Variants in CSGALNACT1 observed in about 807,000 individuals in gnomAD.
The protein encoded by CSGALNACT1 is chondroitin sulfate N-acetylgalactosaminyltransferase 1.
In CSGALNACT1, 52 loss-of-function variants were observed where a neutral mutation model predicts 51.0. The observed-to-expected ratio is 1.02, with a 90% confidence interval of 0.82 to 1.29. CSGALNACT1 has a LOEUF of 1.29. Among genes scored for constraint, CSGALNACT1 ranks in the 50% most tolerant of loss-of-function variants. CSGALNACT1 has a pLI of 0.00. For synonymous variants in CSGALNACT1, 341 were observed against 254.4 expected (o/e 1.34, Z -3.24); for missense variants, 935 against 679.2 (o/e 1.38, Z -4.19).
intron 1 of CSGALNACT1, among the ~76,000 whole-genome samples, chr8:19,635,365 T>C (rs1215160630): frequency 1.3e-5 from 2 of 152,216 alleles, no homozygotes; most frequent in Non-Finnish European, 2.9e-5. Context: ...CTGATGTGTG[T>C]TGCCCTCACT....
chr8:19,734,989 T>C (rs111728209), intron 1 of CSGALNACT1, among the ~76,000 whole-genome samples: 43 of 152,218 alleles, frequency 2.8e-4, no homozygotes, highest in African/African-American at 9.6e-4. Context: ...TCAGGTTTGA[T>C]CTTGCTATCC....
intron 1 of CSGALNACT1, among the ~76,000 whole-genome samples, chr8:19,615,062 C>T (rs2052804779): frequency 6.6e-6 from 1 of 152,188 alleles, no homozygotes; most frequent in Non-Finnish European, 1.5e-5. Context: ...AATATCAACA[C>T]ACTTTGGGAG....
intron 1 of CSGALNACT1, among the ~76,000 whole-genome samples, chr8:19,623,157 G>C (rs898700902): frequency 3.4e-4 from 52 of 152,122 alleles, no homozygotes; most frequent in African/African-American, 1.2e-3. Context: ...AACAGAAACT[G>C]GGAAAGCTTA....
chr8:19,618,420 C>A (rs926830994), intron 1 of CSGALNACT1, among the ~76,000 whole-genome samples: 5 of 151,642 alleles, frequency 3.3e-5, no homozygotes, highest in African/African-American at 7.3e-5. Flanking sequence ...GTGGGTGAAT[C>A]ACTTGAGGTC....
chr8:19,635,610 A>C (rs17128757), intron 1 of CSGALNACT1, among the ~76,000 whole-genome samples: 1,878 of 152,244 alleles, frequency 0.012, 33 homozygotes, highest in African/African-American at 0.043. Flanking sequence ...GCATTTCAAG[A>C]TCAGCTCCAC....
intron 4 of CSGALNACT1, among the ~76,000 whole-genome samples, chr8:19,504,235 C>T (rs1459684525): frequency 7.9e-5 from 12 of 152,086 alleles, no homozygotes; most frequent in Admixed American, 5.9e-4. Context: ...CGCCACCAGG[C>T]CCGGCTAATT....
At chr8:19,478,254 A>T (rs2070320137) in intron 4 of CSGALNACT1, among the ~76,000 whole-genome samples, 1 of 152,018 alleles carries the variant, frequency 6.6e-6, no homozygotes, top group African/African-American at 2.4e-5. Context: ...CTCTACTAAA[A>T]ATACAAAAAA....
At chr8:19,594,246 A>G (rs1455839557) in intron 2 of CSGALNACT1, among the ~76,000 whole-genome samples, 1 of 152,224 alleles carries the variant, frequency 6.6e-6, no homozygotes, top group Non-Finnish European at 1.5e-5. Flanking sequence ...CTAGAGGTGT[A>G]TGAAAAAACT....
At chr8:19,554,262 C>G (rs749033684) in intron 3 of CSGALNACT1, among the ~76,000 whole-genome samples, 4 of 152,128 alleles carry the variant, frequency 2.6e-5, no homozygotes, top group African/African-American at 9.7e-5. Context: ...CACTGCACAT[C>G]AAAAGTCAAT....
At chr8:19,634,131 A>G (rs1206477714) in intron 1 of CSGALNACT1, among the ~76,000 whole-genome samples, 3 of 152,226 alleles carry the variant, frequency 2.0e-5, no homozygotes, top group Non-Finnish European at 4.4e-5. Flanking sequence ...AGTTAAGTAA[A>G]CCTAGGACAC....
chr8:19,695,620 C>T (rs1209780226), intron 1 of CSGALNACT1, among the ~76,000 whole-genome samples: 1 of 152,140 alleles, frequency 6.6e-6, no homozygotes, highest in Admixed American at 6.5e-5. Flanking sequence ...AGATTTCTAA[C>T]ATCATTTTAG....
At chr8:19,662,254 G>A (rs2058828133) in intron 1 of CSGALNACT1, among the ~76,000 whole-genome samples, 1 of 151,910 alleles carries the variant, frequency 6.6e-6, no homozygotes, top group African/African-American at 2.4e-5. Context: ...GTGGTAGTGT[G>A]CACCTGTAAT....
At chr8:19,449,279 T>C (rs906264701) in intron 5 of CSGALNACT1, among the ~76,000 whole-genome samples, 3 of 152,340 alleles carry the variant, frequency 2.0e-5, no homozygotes, top group Admixed American at 2.0e-4. Flanking sequence ...ACATGAATGA[T>C]ATAGATTAGC....
At chr8:19,635,467 T>C (rs1461370075) in intron 1 of CSGALNACT1, among the ~76,000 whole-genome samples, 4 of 152,198 alleles carry the variant, frequency 2.6e-5, no homozygotes, top group African/African-American at 9.7e-5. Flanking sequence ...AACCGCCGCA[T>C]ACATGTGGCA....
At chr8:19,616,222 A>G (rs1564266720) in intron 1 of CSGALNACT1, among the ~76,000 whole-genome samples, 1 of 152,224 alleles carries the variant, frequency 6.6e-6, no homozygotes, top group Non-Finnish European at 1.5e-5. Flanking sequence ...TACTCTGGTT[A>G]AATTAGGGAA....
intron 4 of CSGALNACT1, among the ~76,000 whole-genome samples, chr8:19,475,600 G>A (rs1201321600): frequency 1.3e-5 from 2 of 152,122 alleles, no homozygotes; most frequent in African/African-American, 2.4e-5. Flanking sequence ...TGATCACCAA[G>A]GGAAGATAAT....
intron 3 of CSGALNACT1, among the ~76,000 whole-genome samples, chr8:19,542,579 A>G (rs1166708549): frequency 6.6e-6 from 1 of 152,120 alleles, no homozygotes; most frequent in African/African-American, 2.4e-5. Context: ...AGTTACCAAA[A>G]CAAGAGATGA....
chr8:19,515,208 C>T (rs915403235), intron 3 of CSGALNACT1, among the ~76,000 whole-genome samples: 1 of 146,848 alleles, frequency 6.8e-6, no homozygotes, highest in South Asian at 2.2e-4. Flanking sequence ...CTGGACCCCA[C>T]TATCTCTATC....
Position 19,626,526 on chromosome 8 carries a change from G to A in CSGALNACT1, c.-543-24661C>T, listed in dbSNP as rs192997423. On this transcript the variant is annotated intron_variant, in intron 1 of 9. Transcript: ENST00000332246. ...ACATAGAAAATCCTTGTAACTTAGG[G>A]TTAGGCAAAGAAATCTTAGGCATGA... Among the ~76,000 whole-genome samples the A allele has an allele frequency of 3.5e-4, 54 of 152,186 alleles. 1 individual carries two copies. Among genetic ancestry groups the A allele is most frequent in the Non-Finnish European group, 6.0e-4 (41 of 67,998 alleles).
Sources: gnomAD v4.1 joint callset for allele counts (sites outside exome capture counted in the v4.1 genomes callset) on GRCh38, gnomAD v4.1.1 for gene constraint, MANE v1.5 for transcripts, NCBI Gene and HGNC (gene_info 2026-07-23, HGNC 2026-07-21) for gene names.